EPHB1: variants seen among roughly 807,000 people sequenced by gnomAD.
EPHB1 encodes the protein EPH receptor B1, also known as ephrin type-B receptor 1.
A neutral mutation model predicts 94.4 loss-of-function variants in EPHB1; 30 were observed. The ratio of observed to expected loss-of-function variants is 0.32; its 90% CI spans 0.24 to 0.43. The LOEUF (loss-of-function observed/expected upper bound fraction) is 0.43, where lower values mean the gene tolerates loss of function less well. Among genes scored for constraint, EPHB1 ranks in the 20% least tolerant of loss-of-function variants. The pLI is 1.00. For missense variants in EPHB1, 1,055 were observed against 1,308.3 expected (o/e 0.81, Z 2.99); for synonymous variants, 522 against 489.1 (o/e 1.07, Z -0.89).
intron 10 of EPHB1, among the ~76,000 whole-genome samples, chr3:135,188,165 C>T (rs1236606585): frequency 6.7e-6 from 1 of 149,066 alleles, no homozygotes; most frequent in African/African-American, 2.5e-5. Flanking sequence ...CATCACTGTA[C>T]TACAGCCTGG....
At chr3:135,134,645 G>A (rs532555133) in intron 5 of EPHB1, among the ~76,000 whole-genome samples, 2 of 152,306 alleles carry the variant, frequency 1.3e-5, no homozygotes, top group South Asian at 4.1e-4. Context: ...GTGACATTTT[G>A]TCTTACCCAA....
chr3:135,038,930 G>A (rs150155536), intron 3 of EPHB1, among the ~76,000 whole-genome samples: 2,491 of 151,334 alleles, frequency 0.016, 30 homozygotes, highest in Middle Eastern at 0.044. Flanking sequence ...TGGTAGAGCC[G>A]AGTGGCCTGT....
chr3:134,929,483 G>A (rs558226372), intron 2 of EPHB1, among the ~76,000 whole-genome samples: 1 of 152,332 alleles, frequency 6.6e-6, no homozygotes, highest in East Asian at 1.9e-4. Context: ...CTGCCTGACT[G>A]CCTGGAAGAG....
intron 13 of EPHB1, among the ~76,000 whole-genome samples, chr3:135,241,785 T>C (rs1210698609): frequency 6.6e-6 from 1 of 152,170 alleles, no homozygotes; most frequent in Non-Finnish European, 1.5e-5. Context: ...CTCTTAGCTT[T>C]AAAGAGAGTA....
At chr3:135,152,302 A>C (rs910247793) in intron 5 of EPHB1, among the ~76,000 whole-genome samples, 1 of 152,226 alleles carries the variant, frequency 6.6e-6, no homozygotes, top group Non-Finnish European at 1.5e-5. Context: ...CTTTCAAATA[A>C]AGATCGGAAG....
At chr3:135,159,750 G>A (rs1327080181) in intron 6 of EPHB1, among the ~76,000 whole-genome samples, 1 of 152,102 alleles carries the variant, frequency 6.6e-6, no homozygotes, top group Non-Finnish European at 1.5e-5. Flanking sequence ...AGTGAGAATG[G>A]GCCTCTTTGT....
chr3:135,246,737 G>A (rs115271286), intron 13 of EPHB1, among the ~76,000 whole-genome samples: 28 of 152,224 alleles, frequency 1.8e-4, no homozygotes, highest in Admixed American at 6.5e-4. Flanking sequence ...GATTGTCAGT[G>A]CAACACAGTG....
rs1933029824 is a variant in EPHB1 at position 134,951,499 on chromosome 3, C to T, written c.252C>T (p.Arg84=). 1 of 1,609,540 alleles carries T rather than the reference C, an allele frequency of 6.2e-7. No homozygotes were observed. The highest frequency in any genetic ancestry group is 8.5e-7 in the Non-Finnish European group (1 of 1,178,104). ...TCATCAACCGGCGGGGGGCCCATCG[C>T]ATCTACACAGAGATGCGCTTCACTG... is the stretch of plus-strand genomic sequence containing the variant. ...TTFINRRGAH[R]IYTEMRFTVR... The change falls in exon 3 of 16, where the codon CGC becomes CGT. Residue 84 remains arginine (R), a synonymous_variant. Coordinates refer to ENST00000398015, the MANE Select transcript of EPHB1 (RefSeq NM_004441.5). The surrounding 1 kb of genome is among the most constrained non-coding windows in gnomAD (Gnocchi z 4.5).
chr3:135,154,160 A>G lies in EPHB1; in HGVS notation c.1306A>G (p.Thr436Ala). ...TCTTTCTCTCTCCACAGCCCCCTCC[A>G]CCGTTCCCATCATGCACCAAGTCAG... ...NITTNQAAPS[T>A]VPIMHQVSAT... Residue 436 changes from threonine (T) to alanine (A), a missense_variant, in exon 6 of 16, where the codon ACC becomes GCC. Thr to Ala is a moderately conservative substitution (Grantham distance 58). Transcript: ENST00000398015. The G allele has an allele frequency of 1.2e-6, 2 of 1,613,868 alleles. No homozygotes were observed. Among genetic ancestry groups the G allele is most frequent in the Non-Finnish European group, 1.7e-6 (2 of 1,179,850 alleles).
At chr3:135,043,401 C>T (rs1203668878) in intron 3 of EPHB1, among the ~76,000 whole-genome samples, 1 of 152,076 alleles carries the variant, frequency 6.6e-6, no homozygotes, top group Admixed American at 6.5e-5. Context: ...TTGGGGTCTC[C>T]ATCATTCCCA....
intron 1 of EPHB1, among the ~76,000 whole-genome samples, chr3:134,885,497 A>G (rs984813355): frequency 6.6e-6 from 1 of 152,190 alleles, no homozygotes; most frequent in Admixed American, 6.5e-5. Flanking sequence ...AAATATGCCA[A>G]CGTCCATGTA....
chr3:135,063,958 G>GT (rs1447855039), intron 3 of EPHB1, among the ~76,000 whole-genome samples: 17 of 151,940 alleles, frequency 1.1e-4, no homozygotes, highest in South Asian at 6.2e-4. Flanking sequence ...TGATTATGTG[G>GT]TTTTTGTTTT....
At chr3:135,142,210 G>C (rs1026069157) in intron 5 of EPHB1, among the ~76,000 whole-genome samples, 2 of 152,202 alleles carry the variant, frequency 1.3e-5, no homozygotes, top group African/African-American at 2.4e-5. Context: ...AATGGAAAAG[G>C]CTTGGCAGTG....
In EPHB1 at chr3:134,874,376, G is replaced by A. The variant is rs753205691; in HGVS notation, c.59-51440G>A. Among the ~76,000 whole-genome samples the A allele has an allele frequency of 5.9e-5, 9 of 152,182 alleles. No individual in the cohort carries two copies. In the South Asian group the frequency reaches 1.9e-3, roughly 32 times the overall value. Reference sequence around the variant, plus strand: ...ACCGGGGCCTATTGGGGGGTGGAGGGTGAGGGGAGAGAACTTAGAGGATGG... The same window carrying A: ...ACCGGGGCCTATTGGGGGGTGGAGGATGAGGGGAGAGAACTTAGAGGATGG... On this transcript the variant is annotated intron_variant, in intron 1 of 15. Coordinates refer to ENST00000398015, the MANE Select transcript of EPHB1 (RefSeq NM_004441.5).
chr3:135,104,333 T>A (rs1407798558), intron 3 of EPHB1, among the ~76,000 whole-genome samples: 1 of 152,224 alleles, frequency 6.6e-6, no homozygotes, highest in Non-Finnish European at 1.5e-5. Flanking sequence ...CTGGGAAAGA[T>A]GGATTAGTAA....
intron 1 of EPHB1, among the ~76,000 whole-genome samples, chr3:134,867,155 C>G (rs1328053614): frequency 2.0e-5 from 3 of 152,186 alleles, no homozygotes; most frequent in South Asian, 2.1e-4. Flanking sequence ...AGGCCAATCC[C>G]TCTTGTGGGT....
chr3:134,876,439 A>C (rs753413452), intron 1 of EPHB1, among the ~76,000 whole-genome samples: 2 of 152,200 alleles, frequency 1.3e-5, no homozygotes, highest in African/African-American at 4.8e-5. Context: ...AAAAAAATAC[A>C]TACTTTCTGA....
chr3:134,795,703 C>T lies in EPHB1; in HGVS notation c.58+14C>T, dbSNP rs781193712. On this transcript the variant is annotated intron_variant, in intron 1 of 15. Coordinates refer to ENST00000398015, the MANE Select transcript of EPHB1 (RefSeq NM_004441.5). Reference sequence around the variant, plus strand: ...CTGCGATGGAAGGTAACGTACCCTCCACGGAGCAAGTTGGCTGCTGGTGCC... The same window carrying T: ...CTGCGATGGAAGGTAACGTACCCTCTACGGAGCAAGTTGGCTGCTGGTGCC... 1 of 1,608,678 alleles carries T rather than the reference C, an allele frequency of 6.2e-7. No individual in the cohort carries two copies. Among genetic ancestry groups the T allele is most frequent in the South Asian group, 1.1e-5 (1 of 90,518 alleles).
intron 1 of EPHB1, among the ~76,000 whole-genome samples, chr3:134,882,741 T>TC (rs2037761952): frequency 4.0e-5 from 4 of 100,450 alleles, no homozygotes; most frequent in Non-Finnish European, 6.0e-5. Context: ...CTTCTTTCCT[T>TC]CTTTCTTCCT....
Sources: gnomAD v4.1 joint callset for allele counts (sites outside exome capture counted in the v4.1 genomes callset) on GRCh38, gnomAD v4.1.1 for gene constraint, Gnocchi (gnomAD v3.1) non-coding constraint, MANE v1.5 for transcripts, NCBI Gene and HGNC (gene_info 2026-07-23, HGNC 2026-07-21) for gene names.